Variants in CNPY1 observed in about 807,000 individuals in gnomAD.
The protein encoded by CNPY1 is protein canopy homolog 1.
CNPY1 carries 14 observed loss-of-function variants against 14.4 expected under a neutral mutation model. The observed-to-expected ratio is 0.97, with a 90% CI of 0.64 to 1.52. The LOEUF (loss-of-function observed/expected upper bound fraction) is 1.52. Ranked by LOEUF, CNPY1 falls within the 40% of genes most tolerant of loss-of-function variation. The probability of loss-of-function intolerance (pLI) is 0.00; values close to 1 mark genes in which losing one functional copy is unlikely to be tolerated. For missense variants in CNPY1, 129 were observed against 131.5 expected (o/e 0.98, Z 0.09); for synonymous variants, 43 against 46.5 (o/e 0.92, Z 0.31).
At chr7:155,509,191 C>G (rs1796438255) in intron 2 of CNPY1, 94 bp from the exon 3 acceptor site, 1 of 665,970 alleles carries the variant, frequency 1.5e-6, no homozygotes. Flanking sequence ...CACACTCTCC[C>G]TGAATGCAAA....
At chr7:155,540,139 T>G (rs939233347) in intron 2 of CNPY1, among the ~76,000 whole-genome samples, 1 of 152,206 alleles carries the variant, frequency 6.6e-6, no homozygotes, top group African/African-American at 2.4e-5. Flanking sequence ...ACAATTGTAT[T>G]TCTTTTGGAA....
At chr7:155,526,426 G>A (rs950821228) in intron 2 of CNPY1, among the ~76,000 whole-genome samples, 1 of 152,174 alleles carries the variant, frequency 6.6e-6, no homozygotes, top group African/African-American at 2.4e-5. Flanking sequence ...CTTCGTGGAC[G>A]GGGAGGTGTC....
At chr7:155,527,038 C>CTTTCTTTCTTTCTTTCTTTCTT (rs1464476650) in intron 2 of CNPY1, among the ~76,000 whole-genome samples, 1 of 52,072 alleles carries the variant, frequency 1.9e-5, no homozygotes, top group African/African-American at 8.1e-5. Flanking sequence ...TTTTTTCTTT[C>CTTTCTTTCTTTCTTTCTTTCTT]TTTCTTTCTT....
intron 2 of CNPY1, among the ~76,000 whole-genome samples, chr7:155,519,351 C>G (rs774264717): frequency 4.6e-5 from 7 of 151,900 alleles, no homozygotes; most frequent in Non-Finnish European, 1.0e-4. Flanking sequence ...GAGAGCTTGT[C>G]TCTACAAAAA....
Position 155,507,128 on chromosome 7 carries a change from T to C in CNPY1, c.304-12A>G, listed in dbSNP as rs1181102118. On this transcript the variant is annotated splice_polypyrimidine_tract_variant and intron_variant, in intron 3 of 4. Coordinates refer to ENST00000636446, the MANE Select transcript of CNPY1 (RefSeq NM_001393663.1). ...ATTATAGTTTCACACTGTAGAAACATAATAACAACATATGTGGATAGACGC... is the reference window on the plus strand; with the variant it reads ...ATTATAGTTTCACACTGTAGAAACACAATAACAACATATGTGGATAGACGC... 2 of 1,526,254 alleles carry C rather than the reference T, an allele frequency of 1.3e-6. No homozygotes were observed. Among genetic ancestry groups the C allele is most frequent in the Admixed American group, 1.7e-5 (1 of 59,854 alleles). 94.5% of individuals were successfully genotyped at this position (1,526,254 alleles called of 1,614,324 possible).
intron 2 of CNPY1, among the ~76,000 whole-genome samples, chr7:155,538,900 G>A (rs1298469499): frequency 6.6e-6 from 1 of 152,130 alleles, no homozygotes; most frequent in African/African-American, 2.4e-5. Flanking sequence ...TCCTATGGGG[G>A]AAGAATTCCT....
chr7:155,530,481 C>T (rs1157189347), intron 2 of CNPY1, among the ~76,000 whole-genome samples: 8 of 152,010 alleles, frequency 5.3e-5, no homozygotes, highest in African/African-American at 1.7e-4. Flanking sequence ...TGTGTACCAC[C>T]ATGCCCAGCT....
chr7:155,529,784 T>G (rs903825182), intron 2 of CNPY1, among the ~76,000 whole-genome samples: 3 of 151,654 alleles, frequency 2.0e-5, no homozygotes, highest in African/African-American at 7.3e-5. Flanking sequence ...TTCTTTTTTT[T>G]TTTTCTTTAA....
chr7:155,528,208 A>G (rs1442843680), intron 2 of CNPY1, among the ~76,000 whole-genome samples: 1 of 152,208 alleles, frequency 6.6e-6, no homozygotes, highest in Non-Finnish European at 1.5e-5. Flanking sequence ...TGACTTCAAC[A>G]ATGGGCAGGA....
chr7:155,502,303 C>G lies in CNPY1; in HGVS notation c.*765G>C, dbSNP rs1229045743. The G allele has an allele frequency of 6.7e-6, 1 of 149,750 alleles. No homozygotes were observed. The highest frequency in any genetic ancestry group is 2.0e-4 in the East Asian group (1 of 5,116). The allele number at this position is 149,750 out of a possible 1,614,324, so 9.3% of individuals were successfully genotyped here. ...CACTAAATGTGAGCCAAAAAAAAAA[C>G]GTTTAGAAGAAAAACAAACAAGCCA... On this transcript the variant is annotated 3_prime_UTR_variant, in exon 5 of 5. Coordinates refer to ENST00000636446, the MANE Select transcript of CNPY1 (RefSeq NM_001393663.1).
At chr7:155,526,726 C>A (rs796942092) in intron 2 of CNPY1, among the ~76,000 whole-genome samples, 1 of 152,300 alleles carries the variant, frequency 6.6e-6, no homozygotes, top group South Asian at 2.1e-4. Flanking sequence ...TATTACCCAG[C>A]GCTGGCAATA....
chr7:155,508,518 A>T (rs1457010505), intron 3 of CNPY1, among the ~76,000 whole-genome samples: 1 of 152,222 alleles, frequency 6.6e-6, no homozygotes, highest in Admixed American at 6.5e-5. Flanking sequence ...CCTGTGAGAG[A>T]CCTTCCTTGC....
intron 2 of CNPY1, among the ~76,000 whole-genome samples, chr7:155,542,051 G>A (rs1347957115): frequency 6.6e-6 from 1 of 152,088 alleles, no homozygotes; most frequent in Non-Finnish European, 1.5e-5. Flanking sequence ...GGTCGGGGGG[G>A]CAGAAGTCTG....
intron 2 of CNPY1, among the ~76,000 whole-genome samples, chr7:155,510,746 G>C (rs998516304): frequency 1.3e-5 from 2 of 152,166 alleles, no homozygotes; most frequent in Admixed American, 1.3e-4. Context: ...CTTTAATTAT[G>C]CCGTTCATTA....
At chr7:155,517,489 G>A (rs1796643451) in intron 2 of CNPY1, among the ~76,000 whole-genome samples, 1 of 152,170 alleles carries the variant, frequency 6.6e-6, no homozygotes, top group East Asian at 1.9e-4. Flanking sequence ...AGTTCTGCTA[G>A]GTGCAGCCCA....
intron 2 of CNPY1, among the ~76,000 whole-genome samples, chr7:155,511,012 A>C (rs1796519755): frequency 6.6e-6 from 1 of 152,224 alleles, no homozygotes; most frequent in African/African-American, 2.4e-5. Flanking sequence ...CAATATATTC[A>C]TAGTAGTTTC....
At chr7:155,516,619 A>T (rs764984928) in intron 2 of CNPY1, among the ~76,000 whole-genome samples, 1 of 152,202 alleles carries the variant, frequency 6.6e-6, no homozygotes, top group Non-Finnish European at 1.5e-5. Flanking sequence ...AGCCTGGGGC[A>T]CACCCAGTGC....
chr7:155,537,740 A>G (rs748571475), intron 2 of CNPY1, among the ~76,000 whole-genome samples: 16 of 152,104 alleles, frequency 1.1e-4, no homozygotes, highest in Non-Finnish European at 2.2e-4. Context: ...TGAATATTTT[A>G]TACGAAACAA....
At chr7:155,514,028 G>A (rs1796571477) in intron 2 of CNPY1, among the ~76,000 whole-genome samples, 1 of 152,210 alleles carries the variant, frequency 6.6e-6, no homozygotes, top group Admixed American at 6.5e-5. Flanking sequence ...AATTCACACT[G>A]CACCTCTTGG....
Sources: gnomAD v4.1 joint callset for allele counts (sites outside exome capture counted in the v4.1 genomes callset) on GRCh38, gnomAD v4.1.1 for gene constraint, MANE v1.5 for transcripts, NCBI Gene and HGNC (gene_info 2026-07-23, HGNC 2026-07-21) for gene names.